The following ACACA variants were observed in gnomAD, a reference collection of about 807,000 sequenced individuals.
The protein encoded by ACACA is acetyl-CoA carboxylase 1.
ACACA carries 103 observed loss-of-function variants against 296.1 expected under a neutral mutation model. The ratio of observed to expected loss-of-function variants is 0.35; its 90% confidence interval spans 0.30 to 0.41. ACACA has a LOEUF of 0.41. ACACA is among the 10% of genes least tolerant of loss of function. The probability of loss-of-function intolerance (pLI) is 1.00; values close to 1 mark genes in which losing one functional copy is unlikely to be tolerated. For synonymous variants in ACACA, 953 were observed against 1,038.6 expected (o/e 0.92, Z 1.58); for missense variants, 1,554 against 2,989.7 (o/e 0.52, Z 11.20).
At chr17:37,135,218 T>C (rs2075281407) in intron 45 of ACACA, among the ~76,000 whole-genome samples, 1 of 152,246 alleles carries the variant, frequency 6.6e-6, no homozygotes, top group Non-Finnish European at 1.5e-5. Context: ...GTGAATGGAA[T>C]TAAATCTCTA....
intron 3 of ACACA, among the ~76,000 whole-genome samples, chr17:37,290,597 C>G (rs1332536546): frequency 6.6e-6 from 1 of 152,264 alleles, no homozygotes; most frequent in South Asian, 2.1e-4. Flanking sequence ...TGAATTCAAC[C>G]TTTCTGACTC....
intron 1 of ACACA, among the ~76,000 whole-genome samples, chr17:37,382,348 T>A (rs1214803012): frequency 6.6e-6 from 1 of 151,898 alleles, no homozygotes; most frequent in East Asian, 1.9e-4. Context: ...CCTTTCTTTT[T>A]TTCATATAGT....
At chr17:37,117,881 A>C (rs994645922) in intron 50 of ACACA, among the ~76,000 whole-genome samples, 2 of 151,516 alleles carry the variant, frequency 1.3e-5, no homozygotes, top group African/African-American at 4.9e-5. Context: ...TTTTGGAGTC[A>C]TTTTACCCAC....
chr17:37,233,691 T>TA (rs906335988), intron 25 of ACACA, among the ~76,000 whole-genome samples: 18 of 152,152 alleles, frequency 1.2e-4, no homozygotes, highest in South Asian at 6.2e-4. Context: ...TTCATTAAAT[T>TA]AAAAAAAACA....
intron 26 of ACACA, chr17:37,225,312 A>G: frequency 1.9e-6 from 1 of 527,330 alleles, no homozygotes; most frequent in Non-Finnish European, 3.4e-6. Flanking sequence ...TCTCACCATG[A>G]TTTGCATTGT....
At chr17:37,384,031 C>G (rs1346031129) in intron 1 of ACACA, among the ~76,000 whole-genome samples, 1 of 152,008 alleles carries the variant, frequency 6.6e-6, no homozygotes. Context: ...TTTGGGAGCC[C>G]GAGGCGGGCA....
intron 10 of ACACA, among the ~76,000 whole-genome samples, chr17:37,270,312 A>G (rs1448046240): frequency 2.0e-5 from 3 of 152,294 alleles, no homozygotes; most frequent in Non-Finnish European, 2.9e-5. Context: ...GAAAAAGTCA[A>G]TCAGAGAGCC....
rs777413730 is a variant in ACACA at position 37,205,749 on chromosome 17, C to A, written c.4056+16G>T. 4 of 1,601,928 alleles carry A rather than the reference C, an allele frequency of 2.5e-6. No individual in the cohort carries two copies. The East Asian group carries it at 8.9e-5, about 36-fold the overall frequency. On this transcript the variant is annotated intron_variant, in intron 33 of 55. Transcript: ENST00000616317. Reference sequence around the variant, plus strand: ...GAAAGGGGACATCACGAGCTTCCACCCAATCAAGAACTTACATTTTGCTGG... The same window carrying A: ...GAAAGGGGACATCACGAGCTTCCACACAATCAAGAACTTACATTTTGCTGG...
chr17:37,405,151 A>T (rs986924296), intron 1 of ACACA, among the ~76,000 whole-genome samples: 1 of 152,194 alleles, frequency 6.6e-6, no homozygotes, highest in Non-Finnish European at 1.5e-5. Flanking sequence ...TTAAATGATC[A>T]GATATTTATG....
At chr17:37,194,052 A>C (rs1023276882) in intron 35 of ACACA, among the ~76,000 whole-genome samples, 4 of 152,148 alleles carry the variant, frequency 2.6e-5, no homozygotes, top group East Asian at 1.9e-4. Flanking sequence ...ACAAAAAAAA[A>C]CCCAATTTAC....
intron 11 of ACACA, among the ~76,000 whole-genome samples, chr17:37,260,945 C>T (rs543286291): frequency 6.6e-6 from 1 of 152,084 alleles, no homozygotes; most frequent in South Asian, 2.1e-4. Flanking sequence ...CTAATCGATA[C>T]AGGAATTATT....
chr17:37,255,342 C>T (rs1256099800), intron 14 of ACACA, among the ~76,000 whole-genome samples: 2 of 152,058 alleles, frequency 1.3e-5, no homozygotes, highest in Non-Finnish European at 2.9e-5. Context: ...AAACAAGAGT[C>T]CAAACCCCAA....
At chr17:37,111,780 A>T in intron 51 of ACACA, 137 bp from the exon 52 acceptor site, 2 of 718,668 alleles carry the variant, frequency 2.8e-6, no homozygotes, top group Non-Finnish European at 5.0e-6. Flanking sequence ...GTTAACAGAC[A>T]TCTCCCCGGG....
intron 1 of ACACA, among the ~76,000 whole-genome samples, chr17:37,369,168 T>A (rs931477732): frequency 5.3e-5 from 8 of 152,238 alleles, no homozygotes; most frequent in Non-Finnish European, 1.2e-4. Flanking sequence ...AACATAATGT[T>A]GAGCAAAAAA....
At position 37,269,120 on chromosome 17, in the gene ACACA, C is replaced by T. The variant is rs927945689; in HGVS notation, c.1119+1631G>A. 1.7e-4 allele frequency among the ~76,000 whole-genome samples: 25 copies of T among 149,580 alleles called. No individual in the cohort carries two copies. In the East Asian group the frequency reaches 4.1e-3, roughly 25 times the overall value. On this transcript the variant is annotated intron_variant, in intron 10 of 55. Coordinates refer to ENST00000616317, the MANE Select transcript of ACACA (RefSeq NM_198834.3). The stretch of plus-strand genomic sequence containing the variant: ...AATAGGATAATGTAGCAAAACAATA[C>T]CTTATTTATTGATTTATTTATTTTA...
At chr17:37,283,168 G>C in intron 5 of ACACA, 99 bp downstream of exon 5, 1 of 1,433,926 alleles carries the variant, frequency 7.0e-7, no homozygotes, top group Non-Finnish European at 9.7e-7. Flanking sequence ...GAAGTCCTAT[G>C]TTTGGGAATC....
At chr17:37,219,704 A>T (rs887906129) in intron 29 of ACACA, among the ~76,000 whole-genome samples, 20 of 148,316 alleles carry the variant, frequency 1.3e-4, no homozygotes, top group East Asian at 1.9e-4. Flanking sequence ...TATATATATA[A>T]AAAACACATT....
intron 41 of ACACA, among the ~76,000 whole-genome samples, chr17:37,172,927 T>A (rs1221397176): frequency 6.6e-6 from 1 of 152,190 alleles, no homozygotes; most frequent in African/African-American, 2.4e-5. Flanking sequence ...GAACTCACCT[T>A]CAGCATAGTA....
At chr17:37,270,036 T>A (rs1373418247) in intron 10 of ACACA, among the ~76,000 whole-genome samples, 1 of 152,164 alleles carries the variant, frequency 6.6e-6, no homozygotes, top group Non-Finnish European at 1.5e-5. Flanking sequence ...TAAAAAGACA[T>A]CACTTCTTTG....
Sources: allele counts gnomAD v4.1 joint callset (sites outside exome capture counted in the v4.1 genomes callset), GRCh38; gene constraint gnomAD v4.1.1; transcripts MANE v1.5; gene names NCBI Gene and HGNC (gene_info 2026-07-23, HGNC 2026-07-21).